Variants in DNHD1 observed in about 807,000 individuals in gnomAD.
DNHD1 encodes the protein dynein heavy chain domain-containing protein 1.
A neutral mutation model predicts 458.1 loss-of-function variants in DNHD1; 383 were observed. The ratio of observed to expected loss-of-function variants is 0.84; its 90% CI spans 0.77 to 0.91. DNHD1 has a LOEUF of 0.91. Ranked by LOEUF, DNHD1 falls within the 40% of genes least tolerant of loss-of-function variation. DNHD1 has a pLI of 0.00. For missense variants in DNHD1, 5,336 were observed against 5,866.1 expected (o/e 0.91, Z 2.95); for synonymous variants, 2,203 against 2,376.9 (o/e 0.93, Z 2.13).
chr11:6,538,610 A>G lies in DNHD1; in HGVS notation c.3127-2A>G, dbSNP rs1192414805. 6.5e-7 allele frequency: 1 copy of G among 1,546,636 alleles called. No homozygotes were observed. The highest frequency in any genetic ancestry group is 1.4e-5 in the African/African-American group (1 of 73,144). Reference sequence around the variant, plus strand: ...GCTGACAGTGAGCCCTTCTCCCTGCAGTTCAGCCCAGCTATGGCCCAGGAG... The same window carrying G: ...GCTGACAGTGAGCCCTTCTCCCTGCGGTTCAGCCCAGCTATGGCCCAGGAG... On this transcript the variant is annotated splice_acceptor_variant, in intron 15 of 42. Coordinates refer to ENST00000254579, the MANE Select transcript of DNHD1 (RefSeq NM_144666.3). LOFTEE classifies it high-confidence loss of function.
Position 6,548,100 on chromosome 11 carries a change from G to A in DNHD1, c.6905+60G>A. The A allele has an allele frequency of 1.9e-6, 3 of 1,549,308 alleles. No individual in the cohort carries two copies. The East Asian group carries it at 7.3e-5, about 38-fold the overall frequency. Reference sequence around the variant, plus strand: ...GGCTGAGATGGACTGGCCCATGGAAGTAAAAACCCACATGACATCACTGTT... The same window carrying A: ...GGCTGAGATGGACTGGCCCATGGAAATAAAAACCCACATGACATCACTGTT... On this transcript the variant is annotated intron_variant, in intron 22 of 42. Coordinates refer to ENST00000254579, the MANE Select transcript of DNHD1 (RefSeq NM_144666.3). The surrounding 1 kb of genome is among the most constrained non-coding windows in gnomAD (Gnocchi z 4.4).
rs182166994 is a variant in DNHD1, at chr11:6,529,693, G to A, written c.2347+572G>A. ...CTTTTCCTCCCTTTTCCTTCCCAAG[G>A]TGCCACCTGTACTGGGGAAGGCCGG... On this transcript the variant is annotated intron_variant, in intron 12 of 42. Coordinates refer to ENST00000254579, the MANE Select transcript of DNHD1 (RefSeq NM_144666.3). 2.5e-3 allele frequency among the ~76,000 whole-genome samples: 374 copies of A among 151,926 alleles called. 1 individual carries two copies. Among genetic ancestry groups the A allele is most frequent in the Non-Finnish European group, 4.1e-3 (278 of 68,020 alleles).
Position 6,547,895 on chromosome 11 carries a change from A to C in DNHD1, c.6760A>C (p.Ser2254Arg). ...CAGCTATAGTGATCCTGTGGCCCAAAGCTTCAGGTCTTCAAAAAGCAGCTT... is the reference window on the plus strand; with the variant it reads ...CAGCTATAGTGATCCTGTGGCCCAACGCTTCAGGTCTTCAAAAAGCAGCTT... ...DLSYSDPVAQ[S>R]FRSSKSSFLN... The change falls in exon 22 of 43, where the codon AGC becomes CGC. Residue 2254 changes from serine (S) to arginine (R), a missense_variant. Ser to Arg is a moderately radical substitution (Grantham distance 110, BLOSUM62 -1). Coordinates refer to ENST00000254579, the MANE Select transcript of DNHD1 (RefSeq NM_144666.3). The C allele has an allele frequency of 6.4e-7, 1 of 1,551,800 alleles. No individual in the cohort carries two copies. The highest frequency in any genetic ancestry group is 8.7e-7 in the Non-Finnish European group (1 of 1,147,020).
At chr11:6,529,716 C>T (rs1240980416) in intron 12 of DNHD1, among the ~76,000 whole-genome samples, 2 of 152,152 alleles carry the variant, frequency 1.3e-5, no homozygotes, top group African/African-American at 2.4e-5. Context: ...TGGGGAAGGC[C>T]GGTGGGCTGG....
chr11:6,535,201 A>G (rs1349565656), intron 14 of DNHD1, among the ~76,000 whole-genome samples: 1 of 152,248 alleles, frequency 6.6e-6, no homozygotes, highest in African/African-American at 2.4e-5. Flanking sequence ...TTCCTATGGT[A>G]TCACTTTGTA....
chr11:6,536,139 C>CA lies in DNHD1; in HGVS notation c.2998+1974dup, dbSNP rs991795675. ...CACAACATGAGGAACTTTCTATGAA[C>CA]AAAAAAAATGGCAAAAGGGGACTGT... On this transcript the variant is annotated intron_variant, in intron 14 of 42. Coordinates refer to ENST00000254579, the MANE Select transcript of DNHD1 (RefSeq NM_144666.3). Among the ~76,000 whole-genome samples the CA allele has an allele frequency of 9.9e-5, 15 of 151,326 alleles. No homozygotes were observed. In the East Asian group the frequency reaches 2.5e-3, roughly 25 times the overall value.
Position 6,545,018 on chromosome 11 carries a change from TC to T in DNHD1, c.4080del (p.Phe1361SerfsTer8). 6.4e-7 allele frequency: 1 copy of T among 1,551,806 alleles called. No individual in the cohort carries two copies. The highest frequency in any genetic ancestry group is 8.7e-7 in the Non-Finnish European group (1 of 1,147,010). On this transcript the variant is annotated frameshift_variant, in exon 21 of 43. Coordinates refer to ENST00000254579, the MANE Select transcript of DNHD1 (RefSeq NM_144666.3). The surrounding 1 kb of genome is among the most constrained non-coding windows in gnomAD (Gnocchi z 4.9). The stretch of plus-strand genomic sequence containing the variant: ...GTGTGTGCTCACTTCCCCCGCCTCT[TC>T]TTCCTTAGTGACAGTGAGCTGGTAG... ...YGVCAHFPRL[F>X]FLSDSELVAL...
chr11:6,561,372 G>A (rs1853585130), intron 28 of DNHD1, among the ~76,000 whole-genome samples: 1 of 152,182 alleles, frequency 6.6e-6, no homozygotes. Context: ...AAGCTGCAGT[G>A]AGAAATGATT....
At chr11:6,536,616 G>A (rs1167579092) in intron 14 of DNHD1, among the ~76,000 whole-genome samples, 1 of 152,004 alleles carries the variant, frequency 6.6e-6, no homozygotes, top group Non-Finnish European at 1.5e-5. Context: ...AAGATAGAAG[G>A]TACACAATTT....
intron 3 of DNHD1, among the ~76,000 whole-genome samples, chr11:6,499,965 A>AT (rs11361429): frequency 0.28 from 39,598 of 142,478 alleles, 5,884 homozygotes; most frequent in Non-Finnish European, 0.34. Context: ...CTAACTTTCG[A>AT]TTTTTTTTTT....
chr11:6,522,391 C>A (rs750682447), intron 10 of DNHD1, among the ~76,000 whole-genome samples: 7 of 152,010 alleles, frequency 4.6e-5, no homozygotes, highest in Non-Finnish European at 1.5e-5. Flanking sequence ...CTGTTTTTCT[C>A]ACTTATAAGT....
At chr11:6,527,014 C>G (rs1010997546) in intron 10 of DNHD1, among the ~76,000 whole-genome samples, 3 of 152,182 alleles carry the variant, frequency 2.0e-5, no homozygotes, top group Admixed American at 6.5e-5. Flanking sequence ...GATGGTTTGA[C>G]CCCACCTACT....
chr11:6,556,668 C>T lies in DNHD1; in HGVS notation c.7388-15C>T. 6.6e-7 allele frequency: 1 copy of T among 1,525,316 alleles called. No individual in the cohort carries two copies. The highest frequency in any genetic ancestry group is 8.8e-7 in the Non-Finnish European group (1 of 1,130,008). 94.5% of individuals were successfully genotyped at this position (1,525,316 alleles called of 1,614,324 possible). A position where few individuals can be genotyped will look rare whatever the true frequency, so the allele number is the denominator to read the frequency against. On this transcript the variant is annotated splice_polypyrimidine_tract_variant and intron_variant, in intron 24 of 42. Transcript: ENST00000254579. ...ACTTTTACATGTCCTCATTATTATT[C>T]CTCATGTCCCATAGACCCAGAGAAG... is the stretch of plus-strand genomic sequence containing the variant.
At chr11:6,528,182 A>T (rs1481592335) in intron 10 of DNHD1, among the ~76,000 whole-genome samples, 1 of 152,214 alleles carries the variant, frequency 6.6e-6, no homozygotes, top group African/African-American at 2.4e-5. Flanking sequence ...GCCAGGCAGA[A>T]CACAGCCCTA....
Position 6,571,641 on chromosome 11 carries a change from G to T in DNHD1, c.13917G>T (p.Glu4639Asp), listed in dbSNP as rs779535993. Residue 4639 changes from glutamate to aspartate, a missense_variant, in exon 43 of 43, where the codon GAG (glutamate) becomes GAT (aspartate). Glu to Asp is a conservative substitution (Grantham distance 45, BLOSUM62 2). Coordinates refer to ENST00000254579, the MANE Select transcript of DNHD1 (RefSeq NM_144666.3). The surrounding 1 kb of genome is among the most constrained non-coding windows in gnomAD (Gnocchi z 5.0). ...MNSNPLHFRV[E>D]NGPNPTVPER... Reference sequence around the variant, plus strand: ...CCAGCTTCTGACGCCCCCAGGTGGAGAATGGTCCAAATCCCACGGTTCCAG... The same window carrying T: ...CCAGCTTCTGACGCCCCCAGGTGGATAATGGTCCAAATCCCACGGTTCCAG... 1.9e-6 allele frequency: 3 copies of T among 1,577,892 alleles called. No homozygotes were observed. The East Asian group carries it at 6.9e-5, about 36-fold the overall frequency.
In DNHD1 at chr11:6,511,439, T is replaced by C; in HGVS notation, c.1392+10T>C. The C allele has an allele frequency of 6.2e-7, 1 of 1,613,196 alleles. No individual in the cohort carries two copies. Among genetic ancestry groups the C allele is most frequent in the Admixed American group, 1.7e-5 (1 of 59,918 alleles). On this transcript the variant is annotated intron_variant, in intron 7 of 42. Transcript: ENST00000254579. ...ATCCATTCTTCGACTGGTAAGAGGC[T>C]CTTAGTTTATTGTGGACCTCTTCCC...
intron 37 of DNHD1, 32 bp downstream of exon 37, chr11:6,568,274 T>G: frequency 6.5e-7 from 1 of 1,536,412 alleles, no homozygotes. Context: ...GCTTCCAGGA[T>G]CCTATCCTAC....
chr11:6,534,795 A>G (rs1199105355), intron 14 of DNHD1, among the ~76,000 whole-genome samples: 2 of 152,238 alleles, frequency 1.3e-5, no homozygotes, highest in Non-Finnish European at 2.9e-5. Flanking sequence ...ATCTCAGGCT[A>G]GAGTGCAGTG....
Position 6,547,489 on chromosome 11 carries a change from G to A in DNHD1, c.6550G>A (p.Val2184Ile), listed in dbSNP as rs1203037093. The change falls in exon 21 of 43, where the codon GTT (valine) becomes ATT (isoleucine). Residue 2184 changes from valine to isoleucine, a missense_variant. Coordinates refer to ENST00000254579, the MANE Select transcript of DNHD1 (RefSeq NM_144666.3). The stretch of plus-strand genomic sequence containing the variant: ...CGCTGAGCTCAACCACATGGCTGAG[G>A]TTCTGGTGCCTGCAACATTGCGATT... Reference protein sequence around the residue: ...TVAELNHMAEVLVPATLRFLT... With the variant: ...TVAELNHMAEILVPATLRFLT... 3.2e-6 allele frequency: 5 copies of A among 1,550,978 alleles called. No individual in the cohort carries two copies. Among genetic ancestry groups the A allele is most frequent in the Non-Finnish European group, 4.4e-6 (5 of 1,146,456 alleles).
Sources: gnomAD v4.1 joint callset for allele counts (sites outside exome capture counted in the v4.1 genomes callset) on GRCh38, gnomAD v4.1.1 for gene constraint, Gnocchi (gnomAD v3.1) non-coding constraint, MANE v1.5 for transcripts, NCBI Gene and HGNC (gene_info 2026-07-23, HGNC 2026-07-21) for gene names.